Variants in PPP2R2B observed in about 807,000 individuals in gnomAD.
PPP2R2B encodes serine/threonine-protein phosphatase 2A 55 kDa regulatory subunit B beta isoform.
Under a neutral mutation model 46.0 loss-of-function variants are expected in PPP2R2B, and 5 were observed. The ratio of observed to expected loss-of-function variants is 0.11; its 90% CI spans 0.06 to 0.23. PPP2R2B has a LOEUF of 0.23. PPP2R2B is among the 10% of genes least tolerant of loss of function. The pLI is 1.00. For missense variants in PPP2R2B, 367 were observed against 575.0 expected (o/e 0.64, Z 3.70); for synonymous variants, 215 against 206.7 (o/e 1.04, Z -0.34).
intron 1 of PPP2R2B, among the ~76,000 whole-genome samples, chr5:146,937,885 T>C (rs1334097378): frequency 6.6e-6 from 1 of 152,162 alleles, no homozygotes; most frequent in Non-Finnish European, 1.5e-5. Context: ...CATTACATGG[T>C]TTTTATGCAG....
At chr5:146,787,172 T>G (rs1372894513) in intron 2 of PPP2R2B, among the ~76,000 whole-genome samples, 1 of 152,128 alleles carries the variant, frequency 6.6e-6, no homozygotes, top group African/African-American at 2.4e-5. Flanking sequence ...TGTTGAGGGT[T>G]GCAAACTCAG....
rs550688409 is a variant in PPP2R2B, at chr5:146,600,753, G to A, written c.791-293C>T. The stretch of plus-strand genomic sequence containing the variant: ...TGTTTCTGTTTCCCTTGGTATCTGG[G>A]TGTCACTGCACAAAATCTGGAGTCA... On this transcript the variant is annotated intron_variant, in intron 7 of 9. Coordinates refer to ENST00000394411, the MANE Select transcript of PPP2R2B (RefSeq NM_181675.4). 5.3e-5 allele frequency among the ~76,000 whole-genome samples: 8 copies of A among 152,230 alleles called. No individual in the cohort carries two copies. In the East Asian group the frequency reaches 1.5e-3, roughly 29 times the overall value.
At chr5:146,870,254 A>C (rs575224931) in intron 2 of PPP2R2B, among the ~76,000 whole-genome samples, 6 of 152,270 alleles carry the variant, frequency 3.9e-5, no homozygotes, top group African/African-American at 1.4e-4. Flanking sequence ...CCTCCACCCC[A>C]ATCTATATGT....
intron 1 of PPP2R2B, among the ~76,000 whole-genome samples, chr5:147,038,281 C>T (rs968120584): frequency 3.3e-5 from 5 of 151,940 alleles, no homozygotes; most frequent in Non-Finnish European, 5.9e-5. Flanking sequence ...TAAGTAAATG[C>T]GTAACATGAA....
intron 2 of PPP2R2B, among the ~76,000 whole-genome samples, chr5:146,779,871 T>C (rs1351591507): frequency 6.6e-6 from 1 of 152,190 alleles, no homozygotes; most frequent in Non-Finnish European, 1.5e-5. Flanking sequence ...CCTGGATTAA[T>C]AATACACATA....
intron 2 of PPP2R2B, among the ~76,000 whole-genome samples, chr5:146,760,844 A>G (rs1227693292): frequency 6.6e-6 from 1 of 152,208 alleles, no homozygotes; most frequent in Non-Finnish European, 1.5e-5. Context: ...CCCATCAAAA[A>G]GTGGGCAAAG....
At chr5:146,987,934 C>A (rs1472126455) in intron 1 of PPP2R2B, among the ~76,000 whole-genome samples, 1 of 151,786 alleles carries the variant, frequency 6.6e-6, no homozygotes, top group African/African-American at 2.4e-5. Flanking sequence ...AAAAGATACA[C>A]CAAGCAAGTG....
chr5:146,792,944 T>G (rs1178842057), intron 2 of PPP2R2B, among the ~76,000 whole-genome samples: 1 of 152,164 alleles, frequency 6.6e-6, no homozygotes, highest in East Asian at 1.9e-4. Context: ...TGATCTGACC[T>G]AATTTTTTAT....
intron 2 of PPP2R2B, among the ~76,000 whole-genome samples, chr5:146,770,482 AGT>A (rs1582064758): frequency 6.6e-6 from 1 of 152,064 alleles, no homozygotes; most frequent in East Asian, 1.9e-4. Context: ...TATATAATAT[AGT>A]TTTTAATTCT....
rs1260007870 is a variant in PPP2R2B at position 147,079,434 on chromosome 5, T to TTATATATATATA, written c.50+1624_50+1625insTATATATATATA. Among the ~76,000 whole-genome samples the TTATATATATATA allele has an allele frequency of 2.4e-3, 194 of 80,924 alleles. 5 individuals are homozygous for TTATATATATATA. The highest frequency in any genetic ancestry group is 7.8e-3 in the African/African-American group (184 of 23,548). The allele number at this position is 80,924 out of a possible 152,430, so 53.1% of individuals were successfully genotyped here. A position where few individuals can be genotyped will look rare whatever the true frequency, so the allele number is the denominator to read the frequency against. Reference sequence around the variant, plus strand: ...ATATACACACAAACACACACACATTTTATATATATACATATATATATATAT... The same window carrying TTATATATATATA: ...ATATACACACAAACACACACACATTTTATATATATATATATATATATACATATATATATATAT... On this transcript the variant is annotated intron_variant, in intron 2 of 10. Transcript: ENST00000394413.
chr5:146,706,215 G>A (rs537190165), intron 2 of PPP2R2B, among the ~76,000 whole-genome samples: 3 of 152,312 alleles, frequency 2.0e-5, no homozygotes, highest in East Asian at 1.9e-4. Flanking sequence ...GTTCACTTGA[G>A]CAGGAAATCA....
At chr5:146,829,910 C>T (rs940340780) in intron 2 of PPP2R2B, among the ~76,000 whole-genome samples, 6 of 152,028 alleles carry the variant, frequency 3.9e-5, no homozygotes, top group Non-Finnish European at 7.4e-5. Flanking sequence ...TTCATGTTTG[C>T]CTCTTACTAG....
intron 1 of PPP2R2B, among the ~76,000 whole-genome samples, chr5:146,951,121 C>T (rs1764638400): frequency 6.6e-6 from 1 of 151,940 alleles, no homozygotes; most frequent in Admixed American, 6.6e-5. Context: ...TGGAGATGAA[C>T]TCCAGATTTA....
intron 1 of PPP2R2B, among the ~76,000 whole-genome samples, chr5:146,936,996 A>C (rs1582460286): frequency 6.6e-6 from 1 of 152,046 alleles, no homozygotes. Flanking sequence ...GGATAAAACA[A>C]TTGAGATTTA....
chr5:146,826,289 T>A (rs538409310), intron 2 of PPP2R2B, among the ~76,000 whole-genome samples: 3 of 152,166 alleles, frequency 2.0e-5, no homozygotes, highest in Non-Finnish European at 4.4e-5. Context: ...TTCTCAACCA[T>A]CATGCCTACA....
intron 1 of PPP2R2B, among the ~76,000 whole-genome samples, chr5:146,999,462 AT>A (rs1328092945): frequency 6.6e-6 from 1 of 152,150 alleles, no homozygotes; most frequent in Non-Finnish European, 1.5e-5. Flanking sequence ...CTCAAGGCCT[AT>A]CCCCAGAGAT....
chr5:146,684,179 G>A (rs959287430), intron 5 of PPP2R2B, among the ~76,000 whole-genome samples: 1 of 152,130 alleles, frequency 6.6e-6, no homozygotes, highest in Admixed American at 6.5e-5. Flanking sequence ...TAAAAGGATT[G>A]GATGTGAAGC....
intron 5 of PPP2R2B, among the ~76,000 whole-genome samples, chr5:146,657,651 A>C (rs997496064): frequency 2.0e-5 from 3 of 148,944 alleles, no homozygotes; most frequent in African/African-American, 7.4e-5. Flanking sequence ...AATCTTACTA[A>C]GGTGTACTAT....
At chr5:146,699,166 T>C (rs568426021) in intron 3 of PPP2R2B, among the ~76,000 whole-genome samples, 3 of 152,342 alleles carry the variant, frequency 2.0e-5, no homozygotes, top group Admixed American at 2.0e-4. Flanking sequence ...TCCAAATGTA[T>C]ATTTCTAGGT....
Sources: allele counts gnomAD v4.1 joint callset (sites outside exome capture counted in the v4.1 genomes callset), GRCh38; gene constraint gnomAD v4.1.1; transcripts MANE v1.5; gene names NCBI Gene and HGNC (gene_info 2026-07-23, HGNC 2026-07-21).